Variants in THOC6 observed in about 807,000 individuals in gnomAD.
THOC6 encodes the protein THO complex 6.
In THOC6, 39 loss-of-function variants were observed where a neutral mutation model predicts 55.8. That is an observed-to-expected ratio of 0.70 (90% CI 0.54 to 0.91). The LOEUF is 0.91. Among genes scored for constraint, THOC6 ranks in the 40% least tolerant of loss-of-function variants. The probability of loss-of-function intolerance (pLI) is 0.00; values close to 1 mark genes in which losing one functional copy is unlikely to be tolerated. For missense variants in THOC6, 482 were observed against 442.0 expected (o/e 1.09, Z -0.81); for synonymous variants, 192 against 175.6 (o/e 1.09, Z -0.74).
At chr16:3,025,575 G>C in intron 1 of THOC6, 133 bp from the exon 2 acceptor site, 1 of 752,954 alleles carries the variant, frequency 1.3e-6, no homozygotes, top group Non-Finnish European at 2.2e-6. Flanking sequence ...GGCTTGGGGC[G>C]GGGCCGCCTC....
In THOC6 at chr16:3,027,582, G is replaced by GACAGCTGCAGGCA. The variant is rs1178161733; in HGVS notation, c.960_972dup (p.Val326GlnfsTer?). Reference sequence around the variant, plus strand: ...CATGCCCCTCTTTCCTCCAGGTCCTGACAGCTGCAGGCAACAGCTGCCGGG... The same window carrying GACAGCTGCAGGCA: ...CATGCCCCTCTTTCCTCCAGGTCCTGACAGCTGCAGGCAACAGCTGCAGGCAACAGCTGCCGGG... On this transcript the variant is annotated frameshift_variant, in exon 13 of 13. Transcript: ENST00000326266. LOFTEE classifies it high-confidence loss of function. The GACAGCTGCAGGCA allele has an allele frequency of 1.2e-6, 2 of 1,614,014 alleles. No individual in the cohort carries two copies. The highest frequency in any genetic ancestry group is 1.7e-6 in the Non-Finnish European group (2 of 1,180,002).
intron 1 of THOC6, among the ~76,000 whole-genome samples, chr16:3,025,329 C>T (rs1470791929): frequency 6.6e-6 from 1 of 152,188 alleles, no homozygotes; most frequent in African/African-American, 2.4e-5. Flanking sequence ...CGCTGGATTA[C>T]AGGCATGAAC....
rs766773150 is a variant in THOC6, at chr16:3,026,107, C to T, written c.265C>T (p.Leu89=). 5.6e-6 allele frequency: 9 copies of T among 1,608,308 alleles called. No homozygotes were observed. Among genetic ancestry groups the T allele is most frequent in the Non-Finnish European group, 7.7e-6 (9 of 1,175,780 alleles). ...VYSMVSTDRH[L]LSAGDGEVKA... ...TAGCATGGTTTCCACCGATCGACAT[C>T]TGCTTAGTGCTGGGGATGGGGAGGT... The change falls in exon 4 of 13, where the codon CTG becomes TTG. Residue 89 remains leucine (L), a synonymous_variant. Transcript: ENST00000326266.
chr16:3,027,358 C>A lies in THOC6; in HGVS notation c.811-8C>A. The A allele has an allele frequency of 6.2e-6, 10 of 1,613,328 alleles. No homozygotes were observed. The highest frequency in any genetic ancestry group is 8.5e-6 in the Non-Finnish European group (10 of 1,179,538). On this transcript the variant is annotated splice_region_variant and splice_polypyrimidine_tract_variant and intron_variant, in intron 11 of 12. Coordinates refer to ENST00000326266, the MANE Select transcript of THOC6 (RefSeq NM_024339.5). ...CTGACCCCTGAGCACCTTCCCTGTC[C>A]TCTGCAGATTCTGTCAGCTGGCCAG...
chr16:3,024,500 G>A, intron 1 of THOC6, 135 bp downstream of exon 1: 2 of 1,090,514 alleles, frequency 1.8e-6, no homozygotes, highest in Non-Finnish European at 2.8e-6. Context: ...GACCAGGGGG[G>A]CGGGATAGTA....
intron 4 of THOC6, 41 bp downstream of exon 4, chr16:3,026,207 C>T: frequency 5.6e-6 from 9 of 1,613,814 alleles, no homozygotes; most frequent in Non-Finnish European, 5.1e-6. Context: ...GTGCCTGGAC[C>T]CAGAGAGAGC....
At position 3,024,139 on chromosome 16, in the gene THOC6, T is replaced by C. The variant is rs1246408844; in HGVS notation, c.-188T>C. The C allele has an allele frequency of 1.4e-6, 1 of 730,190 alleles. No individual in the cohort carries two copies. Among genetic ancestry groups the C allele is most frequent in the African/African-American group, 1.8e-5 (1 of 56,756 alleles). 45.2% of individuals were successfully genotyped at this position (730,190 alleles called of 1,614,324 possible). A position where few individuals can be genotyped will look rare whatever the true frequency, so the allele number is the denominator to read the frequency against. On this transcript the variant is annotated 5_prime_UTR_variant, in exon 1 of 13. Coordinates refer to ENST00000326266, the MANE Select transcript of THOC6 (RefSeq NM_024339.5). ...GGTATCCGGCTTAAGGGGGCTGCGG[T>C]GGACACCACTTCTTAATGTCGGGGG...
Position 3,027,162 on chromosome 16 carries a change from C to A in THOC6, c.700-8C>A. 1.2e-6 allele frequency: 2 copies of A among 1,614,200 alleles called. No homozygotes were observed. Among genetic ancestry groups the A allele is most frequent in the Non-Finnish European group, 8.5e-7 (1 of 1,180,030 alleles). Reference sequence around the variant, plus strand: ...TTCACAGCTGGGGACTCCCACCTTTCTGTCCAGGTCTGTGGAGGGGGCCCA... The same window carrying A: ...TTCACAGCTGGGGACTCCCACCTTTATGTCCAGGTCTGTGGAGGGGGCCCA... On this transcript the variant is annotated splice_polypyrimidine_tract_variant and splice_region_variant and intron_variant, in intron 10 of 12. Transcript: ENST00000326266.
Position 3,027,667 on chromosome 16 carries a change from A to G in THOC6, c.*10A>G. 1 of 1,611,528 alleles carries G rather than the reference A, an allele frequency of 6.2e-7. No homozygotes were observed. Among genetic ancestry groups the G allele is most frequent in the Non-Finnish European group, 8.5e-7 (1 of 1,179,430 alleles). On this transcript the variant is annotated 3_prime_UTR_variant, in exon 13 of 13. Coordinates refer to ENST00000326266, the MANE Select transcript of THOC6 (RefSeq NM_024339.5). Reference sequence around the variant, plus strand: ...CTCCCTGTCCTTCTGATCTCTGACGACACCCCCAGCCAGCTCAGGGTTTTA... The same window carrying G: ...CTCCCTGTCCTTCTGATCTCTGACGGCACCCCCAGCCAGCTCAGGGTTTTA...
In THOC6 at chr16:3,027,509, G is replaced by T; in HGVS notation, c.945+9G>T. ...CCGCGCCTGAGTGCAAGGTGGGTCC[G>T]GCAGGGGCCGCGGAGCGGCTGGGAG... On this transcript the variant is annotated intron_variant, in intron 12 of 12. Transcript: ENST00000326266. 1 of 1,611,812 alleles carries T rather than the reference G, an allele frequency of 6.2e-7. No homozygotes were observed. Among genetic ancestry groups the T allele is most frequent in the Middle Eastern group, 1.7e-4 (1 of 6,048 alleles).
chr16:3,027,486 G>C lies in THOC6; in HGVS notation c.931G>C (p.Ala311Pro), dbSNP rs143382065. The change falls in exon 12 of 13, where the codon GCG becomes CCG. Residue 311 changes from alanine (A) to proline (P), a missense_variant. Physicochemically the swap from Ala to Pro is conservative, Grantham distance 27. Transcript: ENST00000326266. ...CCTCAGCCTCAACCAGCAGCCTGCC[G>C]CGCCTGAGTGCAAGGTGGGTCCGGC... The part of the protein sequence containing the change: ...LSLSLNQQPA[A>P]PECKVLTAAG... 2.5e-6 allele frequency: 4 copies of C among 1,609,986 alleles called. No individual in the cohort carries two copies. Among genetic ancestry groups the C allele is most frequent in the African/African-American group, 1.3e-5 (1 of 74,888 alleles).
In THOC6 at chr16:3,027,230, A is replaced by G. The variant is rs746254255; in HGVS notation, c.760A>G (p.Ile254Val). Residue 254 changes from isoleucine (I) to valine (V), a missense_variant, in exon 11 of 13, where the codon ATC becomes GTC. Transcript: ENST00000326266. ...WHLRSSTPTT[I>V]FPIRAPQKHV... is the part of the protein sequence containing the mutation. ...CCTCCGATCCTCCACACCCACCACC[A>G]TCTTCCCCATCCGGGCGCCACAGAA... 1.1e-5 allele frequency: 18 copies of G among 1,613,934 alleles called. No homozygotes were observed. The highest frequency in any genetic ancestry group is 1.6e-4 in the Middle Eastern group (1 of 6,084).
At chr16:3,026,494 G>A (rs2072797148) in intron 6 of THOC6, 22 bp from the exon 7 acceptor site, 1 of 1,614,066 alleles carries the variant, frequency 6.2e-7, no homozygotes, top group South Asian at 1.1e-5. Flanking sequence ...TTGACTTTCT[G>A]CCTCATCCTG....
Position 3,026,904 on chromosome 16 carries a change from C to G in THOC6, c.624C>G (p.Val208=). The G allele has an allele frequency of 6.2e-7, 1 of 1,614,210 alleles. No individual in the cohort carries two copies. Among genetic ancestry groups the G allele is most frequent in the Non-Finnish European group, 8.5e-7 (1 of 1,180,042 alleles). ...RTAKEVQTIE[V]YKHEECSRPH... ...CCAAGGAGGTCCAGACGATCGAGGTCTATAAGCACGAGGTGAGGGTGTGAC... is the reference window on the plus strand; with the variant it reads ...CCAAGGAGGTCCAGACGATCGAGGTGTATAAGCACGAGGTGAGGGTGTGAC... Residue 208 remains valine, a synonymous_variant, in exon 9 of 13, where the codon GTC becomes GTG. Coordinates refer to ENST00000326266, the MANE Select transcript of THOC6 (RefSeq NM_024339.5).
chr16:3,026,259 G>A lies in THOC6; in HGVS notation c.333G>A (p.Lys111=). 11 of 1,614,164 alleles carry A rather than the reference G, an allele frequency of 6.8e-6. No homozygotes were observed. Among genetic ancestry groups the A allele is most frequent in the Non-Finnish European group, 9.3e-6 (11 of 1,180,038 alleles). The change falls in exon 5 of 13, where the codon AAG becomes AAA. Residue 111 remains lysine (K), a synonymous_variant. Transcript: ENST00000326266. ...LWAEMLKKGC[K]ELWRRQPPYR... ...TATTTTCTCTTTTGAAGGGCTGTAA[G>A]GAGCTGTGGCGTCGTCAGCCTCCAT...
At chr16:3,025,676 C>T in intron 1 of THOC6, 32 bp from the exon 2 acceptor site, 1 of 1,596,772 alleles carries the variant, frequency 6.3e-7, no homozygotes, top group Non-Finnish European at 8.6e-7. Context: ...TTCATACGTC[C>T]CAGGCAGGCC....
At position 3,024,937 on chromosome 16, in the gene THOC6, ATT is replaced by A. The variant is rs35849212; in HGVS notation, c.39+593_39+594del. ...GGTGTGAGCCACCACGCCCGGCCAA[ATT>A]TTTTTTTTTTTTTTTTTTTTGAGAT... On this transcript the variant is annotated intron_variant, in intron 1 of 12. Coordinates refer to ENST00000326266, the MANE Select transcript of THOC6 (RefSeq NM_024339.5). Among the ~76,000 whole-genome samples, 798 of 102,304 alleles carry A rather than the reference ATT, an allele frequency of 7.8e-3. 9 individuals carry two copies. The highest frequency in any genetic ancestry group is 0.025 in the African/African-American group (563 of 22,854). 67.1% of individuals were successfully genotyped at this position (102,304 alleles called of 152,430 possible). A position where few individuals can be genotyped will look rare whatever the true frequency, so the allele number is the denominator to read the frequency against.
rs1162538641 is a variant in THOC6 at position 3,026,728 on chromosome 16, A to C, written c.533A>C (p.Glu178Ala). 4 of 1,613,880 alleles carry C rather than the reference A, an allele frequency of 2.5e-6. No individual in the cohort carries two copies. The highest frequency in any genetic ancestry group is 2.5e-6 in the Non-Finnish European group (3 of 1,179,904). Residue 178 changes from glutamate to alanine, a missense_variant, in exon 8 of 13, where the codon GAA becomes GCA. By Grantham distance (107) the Glu-to-Ala change is moderately radical (BLOSUM62 -1). Coordinates refer to ENST00000326266, the MANE Select transcript of THOC6 (RefSeq NM_024339.5). ...TDYIHCLALR[E>A]RSPEVLSGGE... ...TACATCCACTGCCTGGCACTGCGGG[A>C]AAGGAGCCCAGAGGTGCTGTCAGGT...
In THOC6 at chr16:3,027,730, A is replaced by G. The variant is rs1303074029; in HGVS notation, c.*73A>G. On this transcript the variant is annotated 3_prime_UTR_variant, in exon 13 of 13. Coordinates refer to ENST00000326266, the MANE Select transcript of THOC6 (RefSeq NM_024339.5). ...TTTTCTTTTTTTTTTTTTTTTTACAATAAAGTTTCAGGCTTTTTTACCATG... is the reference window on the plus strand; with the variant it reads ...TTTTCTTTTTTTTTTTTTTTTTACAGTAAAGTTTCAGGCTTTTTTACCATG... 71 of 1,430,478 alleles carry G rather than the reference A, an allele frequency of 5.0e-5. No homozygotes were observed. Among genetic ancestry groups the G allele is most frequent in the Admixed American group, 4.5e-4 (20 of 44,036 alleles). 88.6% of individuals were successfully genotyped at this position (1,430,478 alleles called of 1,614,324 possible). A position where few individuals can be genotyped will look rare whatever the true frequency, so the allele number is the denominator to read the frequency against.
Sources: gnomAD v4.1 joint callset for allele counts (sites outside exome capture counted in the v4.1 genomes callset) on GRCh38, gnomAD v4.1.1 for gene constraint, MANE v1.5 for transcripts, NCBI Gene and HGNC (gene_info 2026-07-23, HGNC 2026-07-21) for gene names.